UBE2E2: variants seen among roughly 807,000 people sequenced by gnomAD.
The protein encoded by UBE2E2 is ubiquitin-conjugating enzyme E2 E2.
Under a neutral mutation model 24.7 loss-of-function variants are expected in UBE2E2, and 6 were observed. The ratio of observed to expected loss-of-function variants is 0.24; its 90% confidence interval spans 0.13 to 0.48. The LOEUF is 0.48. Ranked by LOEUF, UBE2E2 falls within the 20% of genes least tolerant of loss-of-function variation. UBE2E2 has a pLI of 0.99. For missense variants in UBE2E2, 169 were observed against 245.0 expected (o/e 0.69, Z 2.07); for synonymous variants, 104 against 83.6 (o/e 1.24, Z -1.33).
intron 5 of UBE2E2, among the ~76,000 whole-genome samples, chr3:23,588,410 G>GTTTTTTTTTTTTTTTTTTTTTTTTGT (rs199679364): frequency 7.7e-6 from 1 of 130,064 alleles, no homozygotes. Flanking sequence ...TTGTTTTTTT[G>GTTTTTTTTTTTTTTTTTTTTTTTTGT]TTTTTTTTTT....
intron 4 of UBE2E2, among the ~76,000 whole-genome samples, chr3:23,500,298 A>G (rs561768653): frequency 6.6e-6 from 1 of 152,338 alleles, no homozygotes; most frequent in East Asian, 1.9e-4. Flanking sequence ...TAAAGTATTT[A>G]TAATAGTTCA....
intron 5 of UBE2E2, among the ~76,000 whole-genome samples, chr3:23,569,982 C>T (rs560716074): frequency 6.6e-6 from 1 of 152,272 alleles, no homozygotes; most frequent in South Asian, 2.1e-4. Context: ...TCTTGCTTTT[C>T]TATCCCTTAA....
intron 3 of UBE2E2, among the ~76,000 whole-genome samples, chr3:23,364,304 A>G (rs1696200871): frequency 6.6e-6 from 1 of 152,114 alleles, no homozygotes; most frequent in African/African-American, 2.4e-5. Flanking sequence ...ACTGAGATGT[A>G]AAAAACCATA....
intron 3 of UBE2E2, among the ~76,000 whole-genome samples, chr3:23,236,399 C>A (rs1210818684): frequency 6.6e-6 from 1 of 151,962 alleles, no homozygotes; most frequent in Non-Finnish European, 1.5e-5. Flanking sequence ...GAAGGCTTTC[C>A]CTTAGAGAAG....
intron 3 of UBE2E2, among the ~76,000 whole-genome samples, chr3:23,226,531 C>A (rs574988917): frequency 6.6e-6 from 1 of 152,100 alleles, no homozygotes; most frequent in Non-Finnish European, 1.5e-5. Flanking sequence ...TGAGCCACTG[C>A]GCCCGGCCAG....
chr3:23,385,748 A>G (rs1272595201), intron 3 of UBE2E2, among the ~76,000 whole-genome samples: 5 of 152,246 alleles, frequency 3.3e-5, no homozygotes, highest in Admixed American at 6.5e-5. Context: ...AGTAATTTAG[A>G]AAAACCATCA....
At chr3:23,450,879 A>G (rs1421906928) in intron 3 of UBE2E2, among the ~76,000 whole-genome samples, 1 of 152,206 alleles carries the variant, frequency 6.6e-6, no homozygotes, top group Admixed American at 6.6e-5. Flanking sequence ...ATAATATGGT[A>G]TTTACAAGTT....
chr3:23,208,073 A>T (rs1460978343), intron 1 of UBE2E2, among the ~76,000 whole-genome samples: 1 of 151,744 alleles, frequency 6.6e-6, no homozygotes, highest in African/African-American at 2.4e-5. Flanking sequence ...TTGCTCTGTC[A>T]CTCAGGCTGG....
chr3:23,531,819 T>A (rs1013647177), intron 4 of UBE2E2, among the ~76,000 whole-genome samples: 3 of 152,146 alleles, frequency 2.0e-5, no homozygotes, highest in African/African-American at 7.2e-5. Flanking sequence ...CCTAGCACTT[T>A]GGGAGGCCAA....
intron 3 of UBE2E2, among the ~76,000 whole-genome samples, chr3:23,220,504 G>A (rs78914363): frequency 0.029 from 4,360 of 152,268 alleles, 107 homozygotes; most frequent in East Asian, 0.13. Context: ...CTTCATTTGA[G>A]TGAAATTTGG....
In UBE2E2 at chr3:23,297,152, G is replaced by A. The variant is rs1698934754; in HGVS notation, c.227+79840G>A. Among the ~76,000 whole-genome samples the A allele has an allele frequency of 2.0e-5, 3 of 152,000 alleles. No individual in the cohort carries two copies. In the South Asian group the frequency reaches 6.2e-4, roughly 32 times the overall value. On this transcript the variant is annotated intron_variant, in intron 3 of 5. Coordinates refer to ENST00000396703, the MANE Select transcript of UBE2E2 (RefSeq NM_152653.4). The stretch of plus-strand genomic sequence containing the variant: ...ATATCCTTCACCCACTTTTTGATGG[G>A]GTTGTTTGTTTTTTTCTTGTAAATT...
At chr3:23,353,929 G>A (rs1695847297) in intron 3 of UBE2E2, among the ~76,000 whole-genome samples, 1 of 152,156 alleles carries the variant, frequency 6.6e-6, no homozygotes, top group African/African-American at 2.4e-5. Flanking sequence ...GCATCGCCAA[G>A]TCAGTCCTAA....
chr3:23,357,140 A>T lies in UBE2E2; in HGVS notation c.227+139828A>T, dbSNP rs1010831539. ...TGCATGGTCTTACTTCACTGCAAGG[A>T]GTGGGGAAATACAACCCTTGCATGG... On this transcript the variant is annotated intron_variant, in intron 3 of 5. Coordinates refer to ENST00000396703, the MANE Select transcript of UBE2E2 (RefSeq NM_152653.4). Among the ~76,000 whole-genome samples, 6 of 152,186 alleles carry T rather than the reference A, an allele frequency of 3.9e-5. No individual in the cohort carries two copies. In the East Asian group the frequency reaches 1.2e-3, roughly 29 times the overall value.
intron 3 of UBE2E2, among the ~76,000 whole-genome samples, chr3:23,252,440 T>A (rs753024845): frequency 6.6e-6 from 1 of 152,190 alleles, no homozygotes; most frequent in Non-Finnish European, 1.5e-5. Flanking sequence ...TTTGTGTGAT[T>A]TAACCTCAGA....
intron 3 of UBE2E2, among the ~76,000 whole-genome samples, chr3:23,269,648 C>G (rs1251772249): frequency 1.3e-5 from 2 of 152,076 alleles, no homozygotes; most frequent in Non-Finnish European, 2.9e-5. Flanking sequence ...CTCTGGGCAC[C>G]AAAGAGCAGC....
chr3:23,302,271 A>G (rs7629327), intron 3 of UBE2E2, among the ~76,000 whole-genome samples: 122,187 of 152,106 alleles, frequency 0.8, 49,178 homozygotes, highest in African/African-American at 0.86. Context: ...TTTCTTTTTC[A>G]GATTTTCAGA....
At chr3:23,312,178 C>G (rs932040886) in intron 3 of UBE2E2, among the ~76,000 whole-genome samples, 39 of 152,054 alleles carry the variant, frequency 2.6e-4, no homozygotes, top group African/African-American at 8.2e-4. Flanking sequence ...GGCCTCCCCC[C>G]AAAAAAAAGC....
intron 3 of UBE2E2, among the ~76,000 whole-genome samples, chr3:23,402,663 T>C (rs541332433): frequency 1.3e-5 from 2 of 152,334 alleles, no homozygotes; most frequent in East Asian, 3.9e-4. Context: ...TCTCTAGGTA[T>C]ATGGTTGTGA....
intron 3 of UBE2E2, among the ~76,000 whole-genome samples, chr3:23,245,922 A>G (rs1697382191): frequency 6.6e-6 from 1 of 152,202 alleles, no homozygotes; most frequent in Admixed American, 6.5e-5. Flanking sequence ...TGAACACTTA[A>G]TGGATAAGTA....
Sources: gnomAD v4.1 joint callset for allele counts (sites outside exome capture counted in the v4.1 genomes callset) on GRCh38, gnomAD v4.1.1 for gene constraint, MANE v1.5 for transcripts, NCBI Gene and HGNC (gene_info 2026-07-23, HGNC 2026-07-21) for gene names.